Variants in PHC1 observed in about 807,000 individuals in gnomAD.
The protein encoded by PHC1 is polyhomeotic-like protein 1.
Under a neutral mutation model 104.3 loss-of-function variants are expected in PHC1, and 12 were observed. That is an observed-to-expected ratio of 0.12 (90% confidence interval 0.07 to 0.19). The LOEUF (loss-of-function observed/expected upper bound fraction) is 0.19. Among genes scored for constraint, PHC1 ranks in the 10% least tolerant of loss-of-function variants. The probability of loss-of-function intolerance (pLI) is 1.00; values close to 1 mark genes in which losing one functional copy is unlikely to be tolerated. For synonymous variants in PHC1, 302 were observed against 455.8 expected (o/e 0.66, Z 4.30); for missense variants, 671 against 1,200.0 (o/e 0.56, Z 6.51).
chr12:8,914,462 G>GT (rs1555124327), upstream of PHC1: 1 of 148,756 alleles, frequency 6.7e-6, no homozygotes, highest in African/African-American at 2.4e-5. Flanking sequence ...GACGGCGGGG[G>GT]GGGGGTCCGG....
chr12:8,929,259 G>A (rs2137099262), intron 6 of PHC1, among the ~76,000 whole-genome samples: 1 of 152,214 alleles, frequency 6.6e-6, no homozygotes, highest in African/African-American at 2.4e-5. Context: ...TACTGACTAT[G>A]TGCCGGAACT....
At position 8,929,871 on chromosome 12, in the gene PHC1, C is replaced by A. The variant is rs762465574; in HGVS notation, c.613-564C>A. 2.0e-5 allele frequency among the ~76,000 whole-genome samples: 3 copies of A among 152,164 alleles called. No individual in the cohort carries two copies. The South Asian group carries it at 6.2e-4, about 32-fold the overall frequency. ...GCCTTGCAAATGCTGTTATCAATAT[C>A]TTTAAACCCCCACCTTCACCATTAC... On this transcript the variant is annotated intron_variant, in intron 6 of 14. Transcript: ENST00000544916.
At chr12:8,917,815 A>G (rs765347963) in intron 2 of PHC1, 24 bp downstream of exon 2, 1 of 1,244,700 alleles carries the variant, frequency 8.0e-7, no homozygotes, top group Non-Finnish European at 1.1e-6. Context: ...CTGAGGGGCC[A>G]TGGTCTGTGA....
chr12:8,915,473 C>T (rs895447029), intron 1 of PHC1, among the ~76,000 whole-genome samples: 2 of 152,006 alleles, frequency 1.3e-5, no homozygotes, highest in Non-Finnish European at 2.9e-5. Context: ...TTGACTTTCT[C>T]CAACTCTCGG....
At chr12:8,923,339 T>C (rs1945418487) in intron 6 of PHC1, among the ~76,000 whole-genome samples, 1 of 152,220 alleles carries the variant, frequency 6.6e-6, no homozygotes, top group African/African-American at 2.4e-5. Flanking sequence ...CCTGGAATTT[T>C]AGCTTCTTAT....
chr12:8,919,624 G>A lies in PHC1; in HGVS notation c.115-132G>A, dbSNP rs1048927119. ...AAATGAAGGAAAATCAGCCGTTGACGATTTAGCCCAAACTCCCATCTCCTC... is the reference window on the plus strand; with the variant it reads ...AAATGAAGGAAAATCAGCCGTTGACAATTTAGCCCAAACTCCCATCTCCTC... On this transcript the variant is annotated intron_variant, in intron 2 of 14. Transcript: ENST00000544916. This position sits in a 1 kb window ranked among gnomAD's most constrained non-coding sequence, Gnocchi z 4.9. The A allele has an allele frequency of 1.3e-5, 11 of 866,072 alleles. No homozygotes were observed. The highest frequency in any genetic ancestry group is 6.8e-5 in the African/African-American group (4 of 58,708). The allele number at this position is 866,072 out of a possible 1,614,324, so 53.6% of individuals were successfully genotyped here. A position where few individuals can be genotyped will look rare whatever the true frequency, so the allele number is the denominator to read the frequency against.
chr12:8,928,793 T>C (rs1245192845), intron 6 of PHC1, among the ~76,000 whole-genome samples: 1 of 152,266 alleles, frequency 6.6e-6, no homozygotes, highest in Non-Finnish European at 1.5e-5. Flanking sequence ...GTACTCGTGC[T>C]GTATGTACAC....
At chr12:8,920,418 CT>C (rs964811018) in intron 3 of PHC1, among the ~76,000 whole-genome samples, 2 of 152,132 alleles carry the variant, frequency 1.3e-5, no homozygotes, top group African/African-American at 4.8e-5. Context: ...ACCAAAAGAT[CT>C]TTTTCTAGCT....
At chr12:8,920,928 TGA>T in intron 3 of PHC1, 55 bp from the exon 4 acceptor site, 1 of 1,161,772 alleles carries the variant, frequency 8.6e-7, no homozygotes, top group Non-Finnish European at 1.3e-6. Flanking sequence ...ACTAGAAGAC[TGA>T]GAGCTTTTTC....
intron 11 of PHC1, 34 bp downstream of exon 11, chr12:8,935,272 G>T: frequency 9.2e-7 from 1 of 1,083,178 alleles, no homozygotes; most frequent in African/African-American, 1.6e-5. Flanking sequence ...TTTGGGGGAA[G>T]GAGACTCGTG....
At chr12:8,937,686 G>T in intron 13 of PHC1, 143 bp from the exon 14 acceptor site, 1 of 646,712 alleles carries the variant, frequency 1.5e-6, no homozygotes. Context: ...GTAGATTTTG[G>T]GAATTTGCAA....
At chr12:8,914,356 A>T (rs1361171538), upstream of PHC1, among the ~76,000 whole-genome samples, 1 of 150,310 alleles carries the variant, frequency 6.7e-6, no homozygotes, top group African/African-American at 2.4e-5. Flanking sequence ...TGGAGCGCAG[A>T]GGCCCGGGAG....
intron 1 of PHC1, among the ~76,000 whole-genome samples, chr12:8,915,524 T>C (rs1456086989): frequency 6.6e-6 from 1 of 152,138 alleles, no homozygotes; most frequent in Non-Finnish European, 1.5e-5. Context: ...TCTAACTCCC[T>C]TCGGTAGGTC....
At position 8,919,760 on chromosome 12, in the gene PHC1, T is replaced by C; in HGVS notation, c.119T>C (p.Leu40Pro). The change falls in exon 3 of 15, where the codon CTG (leucine) becomes CCG (proline). Residue 40 changes from leucine to proline, a missense_variant. Physicochemically the swap from Leu to Pro is moderately conservative, Grantham distance 98. This residue lies in a region of PHC1 where 237 missense variants were observed against 331.1 expected (regional missense o/e 0.72). Coordinates refer to ENST00000544916, the MANE Select transcript of PHC1 (RefSeq NM_004426.3). The surrounding 1 kb of genome is among the most constrained non-coding windows in gnomAD (Gnocchi z 4.9). ...TTTTATCCTCTCTTTTCCTAGGCTC[T>C]GCAAGCACTGCAGCGGCAGCCCAAT... ...SLYERQAVQA[L>P]QALQRQPNAA... 6.2e-7 allele frequency: 1 copy of C among 1,612,164 alleles called. No individual in the cohort carries two copies. Among genetic ancestry groups the C allele is most frequent in the Non-Finnish European group, 8.5e-7 (1 of 1,179,502 alleles).
intron 5 of PHC1, 113 bp downstream of exon 5, chr12:8,921,863 G>A: frequency 9.9e-7 from 1 of 1,008,504 alleles, no homozygotes; most frequent in East Asian, 2.6e-5. Context: ...ACCCAGGCTG[G>A]AGTGCAGTGG....
chr12:8,927,395 G>A (rs1342640373), intron 6 of PHC1, among the ~76,000 whole-genome samples: 2 of 152,186 alleles, frequency 1.3e-5, no homozygotes, highest in African/African-American at 2.4e-5. Flanking sequence ...GAGGGAGCCA[G>A]TGGAGAAGAA....
intron 6 of PHC1, among the ~76,000 whole-genome samples, chr12:8,923,130 T>A (rs1268720905): frequency 1.3e-5 from 2 of 152,200 alleles, no homozygotes; most frequent in Non-Finnish European, 2.9e-5. Flanking sequence ...GAGAAGAGAT[T>A]GTTGAGAGAA....
chr12:8,919,772 A>G lies in PHC1; in HGVS notation c.131A>G (p.Gln44Arg). Residue 44 changes from glutamine (Q) to arginine (R), a missense_variant, in exon 3 of 15, where the codon CAG becomes CGG. By Grantham distance (43) the Gln-to-Arg change is conservative. Around this residue, in one of 9 missense-constraint regions of PHC1, gnomAD observed 237 missense variants for 331.1 expected, o/e 0.72. Coordinates refer to ENST00000544916, the MANE Select transcript of PHC1 (RefSeq NM_004426.3). The surrounding 1 kb of genome is among the most constrained non-coding windows in gnomAD (Gnocchi z 4.9). ...RQAVQALQAL[Q>R]RQPNAAQYFH... ...TTTTCCTAGGCTCTGCAAGCACTGC[A>G]GCGGCAGCCCAATGCAGCTCAGTAT... 1 of 1,612,586 alleles carries G rather than the reference A, an allele frequency of 6.2e-7. No individual in the cohort carries two copies. Among genetic ancestry groups the G allele is most frequent in the Non-Finnish European group, 8.5e-7 (1 of 1,179,668 alleles).
Position 8,922,774 on chromosome 12 carries a change from G to A in PHC1, c.598G>A (p.Ala200Thr), listed in dbSNP as rs1479226047. The A allele has an allele frequency of 6.2e-7, 1 of 1,612,752 alleles. No individual in the cohort carries two copies. The highest frequency in any genetic ancestry group is 8.5e-7 in the Non-Finnish European group (1 of 1,179,574). ...ATCTGCTCAGTCTCCTGGAGTTCATGCAGATGCAGATCAGGTTAGTGGCGA... is the reference window on the plus strand; with the variant it reads ...ATCTGCTCAGTCTCCTGGAGTTCATACAGATGCAGATCAGGTTAGTGGCGA... Reference protein sequence around the residue: ...VPSAQSPGVHADADQVQNLAV... With the variant: ...VPSAQSPGVHTDADQVQNLAV... Residue 200 changes from alanine to threonine, a missense_variant, in exon 6 of 15, where the codon GCA (alanine) becomes ACA (threonine). Coordinates refer to ENST00000544916, the MANE Select transcript of PHC1 (RefSeq NM_004426.3).
Sources: gnomAD v4.1 joint callset for allele counts (sites outside exome capture counted in the v4.1 genomes callset) on GRCh38, gnomAD v4.1.1 for gene constraint, gnomAD v4.1.1 regional missense constraint, Gnocchi (gnomAD v3.1) non-coding constraint, MANE v1.5 for transcripts, NCBI Gene and HGNC (gene_info 2026-07-23, HGNC 2026-07-21) for gene names.